The following DLGAP2 variants were observed in gnomAD, a reference collection of about 807,000 sequenced individuals.
DLGAP2 encodes disks large-associated protein 2.
DLGAP2 carries 26 observed loss-of-function variants against 100.3 expected under a neutral mutation model. That is an observed-to-expected ratio of 0.26 (90% CI 0.19 to 0.36). DLGAP2 has a LOEUF of 0.36. DLGAP2 is among the 10% of genes least tolerant of loss of function. The probability of loss-of-function intolerance (pLI) is 1.00; values close to 1 mark genes in which losing one functional copy is unlikely to be tolerated. For synonymous variants in DLGAP2, 886 were observed against 630.1 expected (o/e 1.41, Z -6.08); for missense variants, 1,858 against 1,453.2 (o/e 1.28, Z -4.53).
At chr8:1,133,180 G>A (rs1287812577) in intron 2 of DLGAP2, among the ~76,000 whole-genome samples, 1 of 152,172 alleles carries the variant, frequency 6.6e-6, no homozygotes, top group East Asian at 1.9e-4. Flanking sequence ...TTCTTAACAA[G>A]CTACTTAAGC....
chr8:1,695,043 A>G (rs1163290871), intron 13 of DLGAP2, among the ~76,000 whole-genome samples: 1 of 152,062 alleles, frequency 6.6e-6, no homozygotes, highest in African/African-American at 2.4e-5. Flanking sequence ...CGAGGAGAGG[A>G]GGGGGGCACG....
intron 2 of DLGAP2, among the ~76,000 whole-genome samples, chr8:1,072,417 C>G (rs755167751): frequency 6.6e-6 from 1 of 152,186 alleles, no homozygotes; most frequent in African/African-American, 2.4e-5. Flanking sequence ...TTGTAGAAAT[C>G]TTTACTGGGT....
At chr8:1,081,123 G>C (rs1427557083) in intron 2 of DLGAP2, among the ~76,000 whole-genome samples, 1 of 152,042 alleles carries the variant, frequency 6.6e-6, no homozygotes, top group Non-Finnish European at 1.5e-5. Flanking sequence ...TTGAAATAAT[G>C]CTGAACGTGC....
At chr8:1,701,165 C>G (rs1165312083) in intron 14 of DLGAP2, 23 bp from the exon 15 acceptor site, 2 of 1,548,406 alleles carry the variant, frequency 1.3e-6, no homozygotes, top group Non-Finnish European at 1.7e-6. Context: ...CACCTGCCAA[C>G]GGTGACTTGC....
intron 3 of DLGAP2, among the ~76,000 whole-genome samples, chr8:1,370,547 A>G (rs145370287): frequency 2.0e-4 from 31 of 152,366 alleles, no homozygotes; most frequent in African/African-American, 7.0e-4. Context: ...TCATTTGCTT[A>G]AAATAAAATG....
At chr8:1,208,055 A>G (rs1391781573) in intron 2 of DLGAP2, among the ~76,000 whole-genome samples, 1 of 152,092 alleles carries the variant, frequency 6.6e-6, no homozygotes, top group African/African-American at 2.4e-5. Context: ...TGCTGTGCAG[A>G]AGCTTTTTAG....
chr8:1,537,959 G>A (rs964943381), intron 4 of DLGAP2, among the ~76,000 whole-genome samples: 3 of 152,206 alleles, frequency 2.0e-5, no homozygotes, highest in African/African-American at 4.8e-5. Flanking sequence ...CATAAGTAAG[G>A]AGGTGAATCA....
At chr8:1,148,400 T>A (rs7826064) in intron 2 of DLGAP2, among the ~76,000 whole-genome samples, 64,748 of 151,710 alleles carry the variant, frequency 0.43, 15,381 homozygotes, top group Non-Finnish European at 0.55. Context: ...TTTTAAAGAA[T>A]AATATTTTTT....
intron 3 of DLGAP2, among the ~76,000 whole-genome samples, chr8:1,303,710 C>T (rs547320701): frequency 2.6e-5 from 4 of 152,286 alleles, no homozygotes; most frequent in East Asian, 1.9e-4. Flanking sequence ...TTGGGAGGCA[C>T]GGGTGCTTCC....
chr8:1,254,945 GGGT>G (rs1799142974), intron 2 of DLGAP2, among the ~76,000 whole-genome samples: 1 of 134,300 alleles, frequency 7.4e-6, no homozygotes, highest in African/African-American at 2.7e-5. Context: ...TCTCCTGCCC[GGGT>G]GCTGTGTGTG....
At chr8:1,486,033 T>A (rs1003826379) in intron 3 of DLGAP2, among the ~76,000 whole-genome samples, 8 of 151,978 alleles carry the variant, frequency 5.3e-5, no homozygotes, top group Non-Finnish European at 8.8e-5. Flanking sequence ...TCTCAAAAAA[T>A]TATAATAATT....
At chr8:1,226,550 C>G (rs138990359) in intron 2 of DLGAP2, among the ~76,000 whole-genome samples, 8 of 152,204 alleles carry the variant, frequency 5.3e-5, no homozygotes, top group East Asian at 3.9e-4. Context: ...ATGGGTGCAG[C>G]AAACCACCAT....
At chr8:970,693 T>C (rs1270654763) in intron 2 of DLGAP2, among the ~76,000 whole-genome samples, 2 of 152,232 alleles carry the variant, frequency 1.3e-5, no homozygotes, top group Non-Finnish European at 2.9e-5. Context: ...GACATGTAAT[T>C]ATTTTAACAA....
chr8:1,391,791 T>C (rs1563122854), intron 3 of DLGAP2, among the ~76,000 whole-genome samples: 1 of 152,258 alleles, frequency 6.6e-6, no homozygotes, highest in Non-Finnish European at 1.5e-5. Flanking sequence ...CTCAAGCCAG[T>C]TTATCCTTAG....
intron 2 of DLGAP2, among the ~76,000 whole-genome samples, chr8:957,962 G>T (rs1799633418): frequency 6.6e-6 from 1 of 152,206 alleles, no homozygotes; most frequent in Non-Finnish European, 1.5e-5. Context: ...TCCTGGTGCT[G>T]TGTGACCCTC....
At chr8:1,209,705 T>C (rs1798064700) in intron 2 of DLGAP2, among the ~76,000 whole-genome samples, 1 of 152,204 alleles carries the variant, frequency 6.6e-6, no homozygotes, top group South Asian at 2.1e-4. Flanking sequence ...TAATGAGTAA[T>C]TTTTATAATC....
chr8:1,356,818 G>A (rs114065645), intron 3 of DLGAP2, among the ~76,000 whole-genome samples: 1,703 of 152,304 alleles, frequency 0.011, 39 homozygotes, highest in African/African-American at 0.039. Flanking sequence ...GCAAAGGGCC[G>A]TTTGCCACGA....
intron 1 of DLGAP2, among the ~76,000 whole-genome samples, chr8:802,236 G>GCA (rs1796182217): frequency 7.4e-6 from 1 of 135,540 alleles, no homozygotes; most frequent in African/African-American, 2.9e-5. Flanking sequence ...CCTGGGGAAT[G>GCA]GTCTGCACTC....
At chr8:1,108,406 T>C (rs1804844196) in intron 2 of DLGAP2, among the ~76,000 whole-genome samples, 1 of 152,242 alleles carries the variant, frequency 6.6e-6, no homozygotes, top group African/African-American at 2.4e-5. Flanking sequence ...GGCCTGTGAT[T>C]GAAGCCGTCA....
Sources: gnomAD v4.1 joint callset for allele counts (sites outside exome capture counted in the v4.1 genomes callset) on GRCh38, gnomAD v4.1.1 for gene constraint, MANE v1.5 for transcripts, NCBI Gene and HGNC (gene_info 2026-07-23, HGNC 2026-07-21) for gene names.